The following PCDHGA7 variants were observed in gnomAD, a reference collection of about 807,000 sequenced individuals.
PCDHGA7 encodes protocadherin gamma-A7.
A neutral mutation model predicts 58.3 loss-of-function variants in PCDHGA7; 44 were observed. The observed-to-expected ratio is 0.75, with a 90% confidence interval of 0.59 to 0.97. PCDHGA7 has a LOEUF of 0.97. PCDHGA7 is among the 50% of genes least tolerant of loss of function. The pLI is 0.00. For synonymous variants in PCDHGA7, 516 were observed against 504.2 expected (o/e 1.02, Z -0.31); for missense variants, 1,266 against 1,188.7 (o/e 1.06, Z -0.96).
At position 141,432,298 on chromosome 5, in the gene PCDHGA7, A is replaced by G; in HGVS notation, c.2424+46975A>G. 6.2e-7 allele frequency: 1 copy of G among 1,614,236 alleles called. No homozygotes were observed. The highest frequency in any genetic ancestry group is 8.5e-7 in the Non-Finnish European group (1 of 1,180,036). The stretch of plus-strand genomic sequence containing the variant: ...TGTCCATCAACTCCGACACTGGGGT[A>G]CTGTATGCGCTGAGCTCCTTCGACT... On this transcript the variant is annotated intron_variant, in intron 1 of 3. Transcript: ENST00000518325. This position sits in a 1 kb window ranked among gnomAD's most constrained non-coding sequence, Gnocchi z 6.0.
chr5:141,429,239 T>C (rs1344971786), intron 1 of PCDHGA7: 1 of 151,802 alleles, frequency 6.6e-6, no homozygotes, highest in East Asian at 1.9e-4. Context: ...ACTGCTGTCA[T>C]TGAGATATTT....
chr5:141,419,792 G>A (rs1379811891), intron 1 of PCDHGA7: 1 of 1,614,042 alleles, frequency 6.2e-7, no homozygotes, highest in African/African-American at 1.3e-5. Flanking sequence ...CCTGCTAGTC[G>A]CTGTAAGAGA....
intron 1 of PCDHGA7, chr5:141,393,911 T>C: frequency 3.7e-6 from 6 of 1,614,002 alleles, no homozygotes; most frequent in Non-Finnish European, 5.1e-6. Context: ...GGACAGTAAT[T>C]GCCTTCTTGA....
At chr5:141,403,276 C>A in intron 1 of PCDHGA7, 2 of 1,613,844 alleles carry the variant, frequency 1.2e-6, no homozygotes, top group South Asian at 2.2e-5. Flanking sequence ...ACTTTAAAGT[C>A]CTGGTTGAAG....
In PCDHGA7 at chr5:141,487,747, CTA is replaced by C. The variant is rs2099663990; in HGVS notation, c.2425-7058_2425-7057del. 1 of 1,558,062 alleles carries C rather than the reference CTA, an allele frequency of 6.4e-7. No individual in the cohort carries two copies. The highest frequency in any genetic ancestry group is 2.4e-5 in the East Asian group (1 of 41,708). On this transcript the variant is annotated intron_variant, in intron 1 of 3. Coordinates refer to ENST00000518325, the MANE Select transcript of PCDHGA7 (RefSeq NM_018920.4). This position sits in a 1 kb window ranked among gnomAD's most constrained non-coding sequence, Gnocchi z 5.0. ...ATGTCACCATTTTTGTAAGAGGTAA[CTA>C]TGTGGTAGACGCTGTGCTTTGTAAC... is the stretch of plus-strand genomic sequence containing the variant.
chr5:141,423,985 C>T (rs1334591897), intron 1 of PCDHGA7: 2 of 1,100,512 alleles, frequency 1.8e-6, no homozygotes, highest in Non-Finnish European at 2.2e-6. Flanking sequence ...ATGAGGCTCT[C>T]AATTTATTAT....
chr5:141,396,274 C>G (rs2093362401), intron 1 of PCDHGA7: 2 of 152,252 alleles, frequency 1.3e-5, no homozygotes, highest in African/African-American at 2.4e-5. Flanking sequence ...GAGCTATGAT[C>G]ATGCCACTGC....
chr5:141,392,360 CAATCTGATCATTCTGATCT>C (rs1372415416), intron 1 of PCDHGA7: 2 of 152,712 alleles, frequency 1.3e-5, no homozygotes, highest in Non-Finnish European at 2.9e-5. Context: ...TCCGATGCTA[CAATCTGATCATTCTGATCT>C]AATCTGATCA....
chr5:141,440,373 G>A (rs866892003), intron 1 of PCDHGA7: 2 of 152,214 alleles, frequency 1.3e-5, no homozygotes, highest in Non-Finnish European at 2.9e-5. Context: ...GGCCGAGGCA[G>A]GAGAATCGCT....
At chr5:141,414,508 C>T in intron 1 of PCDHGA7, 1 of 1,613,970 alleles carries the variant, frequency 6.2e-7, no homozygotes, top group Non-Finnish European at 8.5e-7. Context: ...CTTTATGCTA[C>T]AAGTGGCAGA....
rs1053132512 is a variant in PCDHGA7 at position 141,409,714 on chromosome 5, C to A, written c.2424+24391C>A. The A allele has an allele frequency of 3.7e-6, 6 of 1,613,108 alleles. No individual in the cohort carries two copies. The African/African-American group carries it at 8.0e-5, about 22-fold the overall frequency. On this transcript the variant is annotated intron_variant, in intron 1 of 3. Transcript: ENST00000518325. ...TAGAGCCCCTGGCGGTGTCGTCATACGTGTCAGTGAGCGCGCAGAGCGGGG... is the reference window on the plus strand; with the variant it reads ...TAGAGCCCCTGGCGGTGTCGTCATAAGTGTCAGTGAGCGCGCAGAGCGGGG...
At position 141,476,105 on chromosome 5, in the gene PCDHGA7, C is replaced by T; in HGVS notation, c.2425-18702C>T. ...ATCTGGACCCCGCTGAGAGGAACTG[C>T]TTTTGAGTGAGATGGTCCCAGAGGC... On this transcript the variant is annotated intron_variant, in intron 1 of 3. Coordinates refer to ENST00000518325, the MANE Select transcript of PCDHGA7 (RefSeq NM_018920.4). This position sits in a 1 kb window ranked among gnomAD's most constrained non-coding sequence, Gnocchi z 7.6. 2.5e-6 allele frequency: 4 copies of T among 1,585,450 alleles called. No homozygotes were observed. The highest frequency in any genetic ancestry group is 3.4e-6 in the Non-Finnish European group (4 of 1,168,874).
chr5:141,430,938 C>A, intron 1 of PCDHGA7: 1 of 1,607,082 alleles, frequency 6.2e-7, no homozygotes, highest in Non-Finnish European at 8.5e-7. Context: ...CGGGAGCTCG[C>A]GGAGCGCGGA....
In PCDHGA7 at chr5:141,407,217, G is replaced by C. The variant is rs181833770; in HGVS notation, c.2424+21894G>C. 5.8e-3 allele frequency among the ~76,000 whole-genome samples: 885 copies of C among 151,964 alleles called. 4 individuals carry two copies. Among genetic ancestry groups the C allele is most frequent in the Non-Finnish European group, 9.1e-3 (620 of 67,966 alleles). ...TCAAACACGTTTTCCCCCTTAAGTG[G>C]GTAGCAAAAAAAATAAAGCATACTT... On this transcript the variant is annotated intron_variant, in intron 1 of 3. Transcript: ENST00000518325.
At position 141,485,299 on chromosome 5, in the gene PCDHGA7, G is replaced by A; in HGVS notation, c.2425-9508G>A. On this transcript the variant is annotated intron_variant, in intron 1 of 3. Coordinates refer to ENST00000518325, the MANE Select transcript of PCDHGA7 (RefSeq NM_018920.4). The surrounding 1 kb of genome is among the most constrained non-coding windows in gnomAD (Gnocchi z 5.7). ...CGGTCCCAGAGGAGTCACAGGAAGG[G>A]ACTTTTGTAGGGAATGTCGCTCAAG... 1 of 1,614,180 alleles carries A rather than the reference G, an allele frequency of 6.2e-7. No individual in the cohort carries two copies. Among genetic ancestry groups the A allele is most frequent in the Non-Finnish European group, 8.5e-7 (1 of 1,180,012 alleles).
intron 1 of PCDHGA7, chr5:141,415,979 C>T (rs2095978015): frequency 2.8e-6 from 1 of 351,190 alleles, no homozygotes; most frequent in Middle Eastern, 8.3e-4. Flanking sequence ...TTAAGCAACC[C>T]TCTTGTTCTG....
chr5:141,417,038 T>TTA (rs1491140470), intron 1 of PCDHGA7: 1 of 145,854 alleles, frequency 6.9e-6, no homozygotes, highest in Non-Finnish European at 1.5e-5. Context: ...GTTTTTTTTT[T>TTA]AAAAAAAACT....
rs762314174 is a variant in PCDHGA7, at chr5:141,404,905, GCC to G, written c.2424+19586_2424+19587del. The G allele has an allele frequency of 1.9e-6, 3 of 1,613,910 alleles. No homozygotes were observed. In the South Asian group the frequency reaches 3.3e-5, roughly 18 times the overall value. On this transcript the variant is annotated intron_variant, in intron 1 of 3. Coordinates refer to ENST00000518325, the MANE Select transcript of PCDHGA7 (RefSeq NM_018920.4). ...TGGTGGCTGTACAGGACCATGGCCA[GCC>G]CCCTCTCTCGGCCACTGTCACGCTC...
At chr5:141,407,738 A>G (rs928743977) in intron 1 of PCDHGA7, among the ~76,000 whole-genome samples, 3 of 152,046 alleles carry the variant, frequency 2.0e-5, no homozygotes, top group Admixed American at 2.0e-4. Context: ...CACTATATAT[A>G]CTCCCTACTG....
Sources: gnomAD v4.1 joint callset for allele counts (sites outside exome capture counted in the v4.1 genomes callset) on GRCh38, gnomAD v4.1.1 for gene constraint, Gnocchi (gnomAD v3.1) non-coding constraint, MANE v1.5 for transcripts, NCBI Gene and HGNC (gene_info 2026-07-23, HGNC 2026-07-21) for gene names.